Variants in TAF4B observed in about 807,000 individuals in gnomAD.
TAF4B encodes the protein transcription initiation factor TFIID subunit 4B.
TAF4B carries 38 observed loss-of-function variants against 86.4 expected under a neutral mutation model. That is an observed-to-expected ratio of 0.44 (90% CI 0.34 to 0.58). TAF4B has a LOEUF of 0.58. Ranked by LOEUF, TAF4B falls within the 20% of genes least tolerant of loss-of-function variation. The pLI is 0.02. For missense variants in TAF4B, 988 were observed against 1,027.6 expected (o/e 0.96, Z 0.53); for synonymous variants, 388 against 391.2 (o/e 0.99, Z 0.10).
chr18:26,310,517 C>T (rs760406617), intron 9 of TAF4B, among the ~76,000 whole-genome samples: 17 of 152,120 alleles, frequency 1.1e-4, no homozygotes, highest in Non-Finnish European at 1.5e-4. Flanking sequence ...AATTTACTGG[C>T]TCACTGTGGT....
At chr18:26,256,905 AT>A (rs2056093615) in intron 1 of TAF4B, among the ~76,000 whole-genome samples, 2 of 151,178 alleles carry the variant, frequency 1.3e-5, no homozygotes, top group Admixed American at 6.6e-5. Context: ...TGCAAAAGTA[AT>A]TGTGTTTTTT....
At chr18:26,385,788 A>T (rs1168580795) in intron 14 of TAF4B, among the ~76,000 whole-genome samples, 2 of 151,002 alleles carry the variant, frequency 1.3e-5, no homozygotes, top group Non-Finnish European at 2.9e-5. Context: ...GTCCTAGTCA[A>T]CTCTGGGGAA....
intron 5 of TAF4B, among the ~76,000 whole-genome samples, chr18:26,281,735 T>C (rs1355943005): frequency 6.6e-6 from 1 of 152,226 alleles, no homozygotes; most frequent in Non-Finnish European, 1.5e-5. Context: ...CTCTTCTCTT[T>C]GCTTCCTGTG....
At chr18:26,276,902 CAGTT>C (rs975657986) in intron 5 of TAF4B, among the ~76,000 whole-genome samples, 46 of 152,206 alleles carry the variant, frequency 3.0e-4, no homozygotes, top group African/African-American at 7.2e-4. Context: ...CAGATAGAAA[CAGTT>C]AGGAATTAAA....
At chr18:26,369,429 G>T (rs1255171345) in intron 14 of TAF4B, among the ~76,000 whole-genome samples, 1 of 152,214 alleles carries the variant, frequency 6.6e-6, no homozygotes, top group African/African-American at 2.4e-5. Flanking sequence ...CAAAGATGGT[G>T]TGCTGGACTT....
At chr18:26,234,803 G>A (rs1219838315) in intron 1 of TAF4B, among the ~76,000 whole-genome samples, 3 of 152,154 alleles carry the variant, frequency 2.0e-5, no homozygotes, top group South Asian at 2.1e-4. Flanking sequence ...TTGAAGCACC[G>A]GTCCCTTAAG....
At chr18:26,308,691 G>A (rs1334571250) in intron 9 of TAF4B, among the ~76,000 whole-genome samples, 1 of 151,892 alleles carries the variant, frequency 6.6e-6, no homozygotes, top group South Asian at 2.1e-4. Context: ...TGGCCAACAT[G>A]GTGAAACCCT....
chr18:26,357,630 C>G (rs1431894715), intron 13 of TAF4B, 60 bp from the exon 14 acceptor site: 4 of 1,201,722 alleles, frequency 3.3e-6, no homozygotes, highest in Non-Finnish European at 4.7e-6. Context: ...TAATCAGTTT[C>G]TTTTTCCCTC....
In TAF4B at chr18:26,346,759, G is replaced by GTATATATATATATA. The variant is rs1189521252; in HGVS notation, c.2317-10929_2317-10916dup. Reference sequence around the variant, plus strand: ...CAAGAATATATATATATATATGTGTGTATATATATATATATGTGTGTGTAT... The same window carrying GTATATATATATATA: ...CAAGAATATATATATATATATGTGTGTATATATATATATATATATATATATATATGTGTGTGTAT... On this transcript the variant is annotated intron_variant, in intron 13 of 14. Transcript: ENST00000269142. Among the ~76,000 whole-genome samples, 12 of 27,142 alleles carry GTATATATATATATA rather than the reference G, an allele frequency of 4.4e-4. 4 individuals carry two copies. The highest frequency in any genetic ancestry group is 9.3e-4 in the African/African-American group (10 of 10,790). The allele number at this position is 27,142 out of a possible 152,430, so 17.8% of individuals were successfully genotyped here.
At chr18:26,320,985 A>G in intron 10 of TAF4B, 85 bp from the exon 11 acceptor site, 1 of 1,534,808 alleles carries the variant, frequency 6.5e-7, no homozygotes, top group Non-Finnish European at 8.9e-7. Flanking sequence ...TATGACTTCC[A>G]GGGGGAACAG....
chr18:26,314,966 A>C (rs1381250323), intron 9 of TAF4B, among the ~76,000 whole-genome samples: 2 of 152,140 alleles, frequency 1.3e-5, no homozygotes, highest in Admixed American at 6.5e-5. Context: ...ATTGGTGGTT[A>C]GAGACACTAA....
chr18:26,340,480 A>G (rs929801498), intron 13 of TAF4B, among the ~76,000 whole-genome samples: 3 of 152,212 alleles, frequency 2.0e-5, no homozygotes, highest in African/African-American at 7.2e-5. Flanking sequence ...ATGACAAGTT[A>G]TAAATAACTT....
At chr18:26,337,424 C>CTTTTTTTTTTT (rs551888808) in intron 13 of TAF4B, among the ~76,000 whole-genome samples, 2 of 126,144 alleles carry the variant, frequency 1.6e-5, no homozygotes, top group East Asian at 2.3e-4. Context: ...TTCTTTCTTT[C>CTTTTTTTTTTT]TTTTTTTTTT....
Position 26,285,222 on chromosome 18 carries a change from G to GTTTTTTTTGTTTTTTTTTTT in TAF4B, c.973-652_973-651insGTTTTTTTTTTTTTTTTTTT, listed in dbSNP as rs1555677504. On this transcript the variant is annotated intron_variant, in intron 6 of 14. Coordinates refer to ENST00000269142, the MANE Select transcript of TAF4B (RefSeq NM_005640.3). ...ATTTCTTCCTTTCCTTTTTTTTTTTGTTTTTTTTTTTTTTGGAGATGGGGT... is the reference window on the plus strand; with the variant it reads ...ATTTCTTCCTTTCCTTTTTTTTTTTGTTTTTTTTGTTTTTTTTTTTTTTTTTTTTTTTTTGGAGATGGGGT... 1.5e-3 allele frequency among the ~76,000 whole-genome samples: 67 copies of GTTTTTTTTGTTTTTTTTTTT among 45,658 alleles called. 1 individual carries two copies. Among genetic ancestry groups the GTTTTTTTTGTTTTTTTTTTT allele is most frequent in the Non-Finnish European group, 2.5e-3 (56 of 22,270 alleles). 30.0% of individuals were successfully genotyped at this position (45,658 alleles called of 152,430 possible).
At chr18:26,310,739 C>T (rs576336594) in intron 9 of TAF4B, among the ~76,000 whole-genome samples, 1 of 152,208 alleles carries the variant, frequency 6.6e-6, no homozygotes, top group East Asian at 1.9e-4. Context: ...AAGGGTTCCC[C>T]TGACTTCTTT....
chr18:26,227,190 C>T lies in TAF4B; in HGVS notation c.257C>T (p.Pro86Leu), dbSNP rs372334200. Residue 86 changes from proline to leucine, a missense_variant, in exon 1 of 15, where the codon CCT (proline) becomes CTT (leucine). Physicochemically the swap from Pro to Leu is moderately conservative, Grantham distance 98. Transcript: ENST00000269142. The part of the protein sequence containing the change: ...VSAPPKVSSG[P>L]RLPAPQIVAV... ...GCCCCTCCTAAAGTCAGCAGCGGCC[C>T]TAGGCTGCCTGCTCCTCAGATAGTC... 1.9e-5 allele frequency: 31 copies of T among 1,613,978 alleles called. No individual in the cohort carries two copies. The highest frequency in any genetic ancestry group is 2.5e-5 in the Non-Finnish European group (29 of 1,180,012).
In TAF4B at chr18:26,351,442, A is replaced by G. The variant is rs774499631; in HGVS notation, c.2317-6248A>G. ...CAGCTAGATAGGAGAAGTAAGTTCT[A>G]TAGCACTGTAGGATGACTATAGTTA... On this transcript the variant is annotated intron_variant, in intron 13 of 14. Coordinates refer to ENST00000269142, the MANE Select transcript of TAF4B (RefSeq NM_005640.3). Among the ~76,000 whole-genome samples the G allele has an allele frequency of 1.0e-3, 156 of 152,166 alleles. 4 individuals carry two copies. Among genetic ancestry groups the G allele is most frequent in the Non-Finnish European group, 2.9e-4 (20 of 68,002 alleles).
At chr18:26,379,419 A>G (rs1283569202) in intron 14 of TAF4B, among the ~76,000 whole-genome samples, 2 of 152,184 alleles carry the variant, frequency 1.3e-5, no homozygotes, top group South Asian at 4.1e-4. Context: ...TTTTTCACAT[A>G]CAGGTATCCT....
At chr18:26,379,973 T>C (rs1373328937) in intron 14 of TAF4B, among the ~76,000 whole-genome samples, 1 of 152,172 alleles carries the variant, frequency 6.6e-6, no homozygotes, top group African/African-American at 2.4e-5. Context: ...TGCTAACATA[T>C]CAAAGTAAAG....
Sources: gnomAD v4.1 joint callset for allele counts (sites outside exome capture counted in the v4.1 genomes callset) on GRCh38, gnomAD v4.1.1 for gene constraint, MANE v1.5 for transcripts, NCBI Gene and HGNC (gene_info 2026-07-23, HGNC 2026-07-21) for gene names.